Variants in PDCD4 observed in about 807,000 individuals in gnomAD.
PDCD4 encodes programmed cell death 4.
Under a neutral mutation model 54.0 loss-of-function variants are expected in PDCD4, and 56 were observed. The ratio of observed to expected loss-of-function variants is 1.04; its 90% confidence interval spans 0.84 to 1.30. PDCD4 has a LOEUF of 1.30. Ranked by LOEUF, PDCD4 falls within the 50% of genes most tolerant of loss-of-function variation. The pLI, the probability that PDCD4 is intolerant of heterozygous loss-of-function variation, is 0.00. For missense variants in PDCD4, 584 were observed against 559.8 expected (o/e 1.04, Z -0.44); for synonymous variants, 186 against 194.8 (o/e 0.95, Z 0.37).
chr10:110,887,928 A>G (rs371392872), intron 6 of PDCD4, 42 bp downstream of exon 6: 27 of 1,295,914 alleles, frequency 2.1e-5, no homozygotes, highest in Admixed American at 5.3e-5. Context: ...TCCCACTACT[A>G]TATTCCTAAT....
At chr10:110,896,397 G>A (rs1812155380) in intron 11 of PDCD4, among the ~76,000 whole-genome samples, 1 of 152,146 alleles carries the variant, frequency 6.6e-6, no homozygotes, top group Non-Finnish European at 1.5e-5. Flanking sequence ...GAGGTATAAT[G>A]TACTTTTTCT....
chr10:110,879,435 C>T (rs534783812), intron 2 of PDCD4, among the ~76,000 whole-genome samples: 18 of 152,094 alleles, frequency 1.2e-4, no homozygotes, highest in East Asian at 9.7e-4. Context: ...GGGAGGCCGA[C>T]GTAGGTGGAT....
At chr10:110,888,399 C>T (rs1845703122) in intron 6 of PDCD4, among the ~76,000 whole-genome samples, 1 of 152,066 alleles carries the variant, frequency 6.6e-6, no homozygotes, top group Non-Finnish European at 1.5e-5. Flanking sequence ...AATGCTGTTT[C>T]TGTTAAACTT....
chr10:110,894,223 GATAA>G (rs773910958), intron 9 of PDCD4, 25 bp downstream of exon 9: 1 of 1,303,984 alleles, frequency 7.7e-7, no homozygotes, highest in Admixed American at 1.7e-5. Context: ...CCATGTCAAA[GATAA>G]TTATTAAGTG....
chr10:110,872,623 G>T (rs1215716599), intron 1 of PDCD4, among the ~76,000 whole-genome samples: 1 of 152,230 alleles, frequency 6.6e-6, no homozygotes, highest in South Asian at 2.1e-4. Flanking sequence ...GGCCGCTGTG[G>T]GGAGGGGCCG....
intron 1 of PDCD4, among the ~76,000 whole-genome samples, chr10:110,874,786 A>G (rs774358302): frequency 6.6e-6 from 1 of 152,154 alleles, no homozygotes; most frequent in African/African-American, 2.4e-5. Context: ...AGCAAATAGT[A>G]GTACATAATG....
At chr10:110,880,557 T>C (rs923894476) in intron 2 of PDCD4, 1 of 152,222 alleles carries the variant, frequency 6.6e-6, no homozygotes, top group Non-Finnish European at 1.5e-5. Context: ...GAAAGCAAAC[T>C]TTGTCTTGAG....
intron 8 of PDCD4, among the ~76,000 whole-genome samples, chr10:110,891,576 T>C (rs985019143): frequency 1.3e-5 from 2 of 152,102 alleles, no homozygotes; most frequent in African/African-American, 4.8e-5. Context: ...ACTAGAAGAT[T>C]TGTAGTTCAT....
chr10:110,899,148 C>T lies in PDCD4; in HGVS notation c.*1060C>T, dbSNP rs1473421423. 6.6e-6 allele frequency: 1 copy of T among 152,150 alleles called. No individual in the cohort carries two copies. The highest frequency in any genetic ancestry group is 1.5e-5 in the Non-Finnish European group (1 of 68,016). The allele number at this position is 152,150 out of a possible 1,614,324, so 9.4% of individuals were successfully genotyped here. On this transcript the variant is annotated 3_prime_UTR_variant, in exon 12 of 12. Coordinates refer to ENST00000280154, the MANE Select transcript of PDCD4 (RefSeq NM_014456.5). ...CAATAAAGAATGATCATATTTTTAA[C>T]CTCTTTTACATAGCCTAATAACTCA...
chr10:110,891,568 T>C (rs1845757619), intron 8 of PDCD4, among the ~76,000 whole-genome samples: 1 of 151,906 alleles, frequency 6.6e-6, no homozygotes, highest in South Asian at 2.1e-4. Flanking sequence ...GGCATGCAAC[T>C]AGAAGATTTG....
At position 110,896,065 on chromosome 10, in the gene PDCD4, CTCAGAGA is replaced by C; in HGVS notation, c.1330_1336del (p.Arg444PhefsTer11). ...TCAGGCTGGAATAATTTCCAAACAACTCAGAGATCTTTGTCCTTCAAGGTACTTTATT... is the reference window on the plus strand; with the variant it reads ...TCAGGCTGGAATAATTTCCAAACAACTCTTTGTCCTTCAAGGTACTTTATT... On this transcript the variant is annotated frameshift_variant, in exon 11 of 12. Coordinates refer to ENST00000280154, the MANE Select transcript of PDCD4 (RefSeq NM_014456.5). LOFTEE classifies it high-confidence loss of function. 1 of 1,609,550 alleles carries C rather than the reference CTCAGAGA, an allele frequency of 6.2e-7. No homozygotes were observed. Among genetic ancestry groups the C allele is most frequent in the Non-Finnish European group, 8.5e-7 (1 of 1,177,382 alleles).
intron 5 of PDCD4, among the ~76,000 whole-genome samples, chr10:110,886,765 A>C (rs1246901429): frequency 1.3e-5 from 2 of 152,158 alleles, no homozygotes; most frequent in Non-Finnish European, 2.9e-5. Flanking sequence ...AGGCTATTAT[A>C]ATGCCTGATA....
At position 110,872,607 on chromosome 10, in the gene PDCD4, A is replaced by G. The variant is rs7897957; in HGVS notation, c.-63+589A>G. Among the ~76,000 whole-genome samples the G allele has an allele frequency of 1.9e-3, 288 of 152,282 alleles. 2 individuals are homozygous for G. The highest frequency in any genetic ancestry group is 6.7e-3 in the African/African-American group (277 of 41,580). The stretch of plus-strand genomic sequence containing the variant: ...TAGCCTGAGCCCGCTGCGGGAGAAC[A>G]GGCCCGGCCGCTGTGGGGAGGGGCC... On this transcript the variant is annotated intron_variant, in intron 1 of 11. Coordinates refer to ENST00000280154, the MANE Select transcript of PDCD4 (RefSeq NM_014456.5).
Position 110,894,181 on chromosome 10 carries a change from C to G in PDCD4, c.1081C>G (p.His361Asp), listed in dbSNP as rs1840581548. 6.3e-7 allele frequency: 1 copy of G among 1,586,444 alleles called. No homozygotes were observed. The change falls in exon 9 of 12, where the codon CAT becomes GAT. Residue 361 changes from histidine (H) to aspartate (D), a missense_variant. By Grantham distance (81) the His-to-Asp change is moderately conservative. Transcript: ENST00000280154. Reference protein sequence around the residue: ...LKELEVPHFHHELVYEAIIMV... With the variant: ...LKELEVPHFHDELVYEAIIMV... The stretch of plus-strand genomic sequence containing the variant: ...GGAACTGGAAGTACCTCATTTTCAC[C>G]ATGAGCTTGTATATGAAGTAAGATT...
intron 10 of PDCD4, among the ~76,000 whole-genome samples, chr10:110,894,974 A>C (rs1389436114): frequency 6.6e-6 from 1 of 151,932 alleles, no homozygotes; most frequent in Non-Finnish European, 1.5e-5. Flanking sequence ...ATGGGAAAGG[A>C]GTTTGCCCAA....
At position 110,890,575 on chromosome 10, in the gene PDCD4, A is replaced by G. The variant is rs147480610; in HGVS notation, c.895A>G (p.Thr299Ala). ...VQARAALDKA[T>A]VLLSMSKGGK... ...CTGTAGAGCTGCTCTGGATAAGGCT[A>G]CCGTGCTTCTGAGTATGTCTAAAGG... is the stretch of plus-strand genomic sequence containing the variant. The change falls in exon 8 of 12, where the codon ACC becomes GCC. Residue 299 changes from threonine (T) to alanine (A), a missense_variant. Transcript: ENST00000280154. The G allele has an allele frequency of 1.2e-6, 2 of 1,612,458 alleles. No homozygotes were observed. Among genetic ancestry groups the G allele is most frequent in the Admixed American group, 1.7e-5 (1 of 59,962 alleles).
intron 1 of PDCD4, among the ~76,000 whole-genome samples, chr10:110,875,227 A>G (rs1220603702): frequency 2.6e-5 from 4 of 152,154 alleles, no homozygotes; most frequent in African/African-American, 9.7e-5. Flanking sequence ...TCCAGTATTA[A>G]TAATTTTTAA....
At position 110,894,430 on chromosome 10, in the gene PDCD4, G is replaced by T; in HGVS notation, c.1117G>T (p.Glu373Ter). The part of the protein sequence containing the change: ...LVYEAIIMVL[E>*]STGESTFKMI... ...TTTTTAGGCTATTATAATGGTTTTA[G>T]AGTCAACTGGAGAAAGTACATTTAA... Residue 373 changes from glutamate (E) to a stop codon, truncating the protein, a stop_gained, in exon 10 of 12, where the codon GAG (glutamate) becomes TAG (stop). Transcript: ENST00000280154. LOFTEE classifies it high-confidence loss of function. The T allele has an allele frequency of 6.4e-7, 1 of 1,553,190 alleles. No individual in the cohort carries two copies. Among genetic ancestry groups the T allele is most frequent in the Non-Finnish European group, 8.9e-7 (1 of 1,126,594 alleles).
At chr10:110,875,300 GA>G (rs1008044823) in intron 1 of PDCD4, among the ~76,000 whole-genome samples, 9 of 151,922 alleles carry the variant, frequency 5.9e-5, no homozygotes, top group Non-Finnish European at 1.0e-4. Context: ...ACTCCTTTCT[GA>G]AATGATCAGA....
Sources: gnomAD v4.1 joint callset for allele counts (sites outside exome capture counted in the v4.1 genomes callset) on GRCh38, gnomAD v4.1.1 for gene constraint, MANE v1.5 for transcripts, NCBI Gene and HGNC (gene_info 2026-07-23, HGNC 2026-07-21) for gene names.